Variants in LIN9 observed in about 807,000 individuals in gnomAD.
LIN9 encodes lin-9 DREAM MuvB core complex component.
A neutral mutation model predicts 78.0 loss-of-function variants in LIN9; 18 were observed. That is an observed-to-expected ratio of 0.23 (90% CI 0.16 to 0.34). The LOEUF (loss-of-function observed/expected upper bound fraction) is 0.34. LIN9 is among the 10% of genes least tolerant of loss of function. The pLI is 1.00. For missense variants in LIN9, 451 were observed against 644.1 expected (o/e 0.70, Z 3.25); for synonymous variants, 192 against 215.2 (o/e 0.89, Z 0.94).
At chr1:226,246,505 G>A (rs973592777) in intron 11 of LIN9, among the ~76,000 whole-genome samples, 2 of 151,880 alleles carry the variant, frequency 1.3e-5, no homozygotes, top group African/African-American at 4.8e-5. Context: ...TGCCTAGGTC[G>A]GGCGCGGTGG....
intron 6 of LIN9, among the ~76,000 whole-genome samples, chr1:226,284,474 A>T (rs1310553099): frequency 6.6e-6 from 1 of 152,206 alleles, no homozygotes; most frequent in Non-Finnish European, 1.5e-5. Context: ...CTGTAATCCT[A>T]GCACTTTGGG....
At chr1:226,299,564 A>T (rs904835974) in intron 2 of LIN9, among the ~76,000 whole-genome samples, 6 of 151,946 alleles carry the variant, frequency 3.9e-5, no homozygotes, top group Admixed American at 1.3e-4. Context: ...GGAGAAAAAG[A>T]ATAATGGAAT....
At chr1:226,275,986 C>A (rs1464398052) in intron 7 of LIN9, among the ~76,000 whole-genome samples, 1 of 150,722 alleles carries the variant, frequency 6.6e-6, no homozygotes, top group Admixed American at 6.6e-5. Context: ...CGAGATCACA[C>A]CACTGCACTC....
chr1:226,261,501 G>C (rs1190695838), intron 10 of LIN9, among the ~76,000 whole-genome samples: 3 of 152,010 alleles, frequency 2.0e-5, no homozygotes, highest in Non-Finnish European at 4.4e-5. Context: ...AAACAATTAT[G>C]ATGTGAAATT....
intron 10 of LIN9, among the ~76,000 whole-genome samples, chr1:226,253,972 A>G (rs374438483): frequency 1.3e-5 from 2 of 152,136 alleles, no homozygotes; most frequent in African/African-American, 4.8e-5. Flanking sequence ...GCTTATAGCT[A>G]CCCAGGCTGA....
intron 3 of LIN9, among the ~76,000 whole-genome samples, 167 bp from the exon 4 acceptor site, chr1:226,296,113 G>C (rs1662132671): frequency 6.6e-6 from 1 of 152,132 alleles, no homozygotes; most frequent in South Asian, 2.1e-4. Context: ...AATAATCTCA[G>C]ATTTAGAAAG....
chr1:226,238,151 A>G lies in LIN9; in HGVS notation c.1245+820T>C, dbSNP rs115986616. 7.3e-3 allele frequency among the ~76,000 whole-genome samples: 1,116 copies of G among 152,326 alleles called. 19 individuals are homozygous for G. Among genetic ancestry groups the G allele is most frequent in the African/African-American group, 0.026 (1,065 of 41,570 alleles). ...ATCACATGTGAATGAAAATTCACAA[A>G]CAACCCTGTTATCTATGTATTTGAA... On this transcript the variant is annotated intron_variant, in intron 12 of 14. Coordinates refer to ENST00000681046, the MANE Select transcript of LIN9 (RefSeq NM_001366245.2).
At chr1:226,239,521 C>T (rs1012253635) in intron 11 of LIN9, among the ~76,000 whole-genome samples, 9 of 152,112 alleles carry the variant, frequency 5.9e-5, no homozygotes, top group East Asian at 5.8e-4. Flanking sequence ...GGTTTAAGAG[C>T]GTGGGTATTA....
chr1:226,282,432 T>C (rs897508522), intron 6 of LIN9, among the ~76,000 whole-genome samples: 1 of 152,242 alleles, frequency 6.6e-6, no homozygotes, highest in African/African-American at 2.4e-5. Context: ...TATATAAAAT[T>C]AGTCTCTCAC....
upstream of LIN9, chr1:226,309,734 G>T (rs1663184357): frequency 1.6e-6 from 2 of 1,287,606 alleles, no homozygotes; most frequent in South Asian, 2.5e-5. Context: ...CGGTCCCAGC[G>T]GCCCCTCGCG....
chr1:226,297,977 G>A (rs1031514726), intron 2 of LIN9, among the ~76,000 whole-genome samples, 164 bp from the exon 3 acceptor site: 7 of 152,006 alleles, frequency 4.6e-5, no homozygotes, highest in Non-Finnish European at 4.4e-5. Context: ...AAGCTCTTCC[G>A]TATTTTTCTG....
At chr1:226,256,145 G>A (rs1418062791) in intron 10 of LIN9, among the ~76,000 whole-genome samples, 1 of 152,052 alleles carries the variant, frequency 6.6e-6, no homozygotes, top group African/African-American at 2.4e-5. Context: ...CACTTTGGGA[G>A]GCTAAGGCGG....
chr1:226,266,131 G>A (rs1659889829), intron 9 of LIN9, 82 bp downstream of exon 9: 3 of 911,074 alleles, frequency 3.3e-6, no homozygotes, highest in Non-Finnish European at 4.6e-6. Flanking sequence ...TGAAGTTGCT[G>A]TAATAGATGT....
chr1:226,292,918 A>AAATGGGAAAT (rs1332799603), intron 4 of LIN9, among the ~76,000 whole-genome samples: 1 of 152,190 alleles, frequency 6.6e-6, no homozygotes. Context: ...CTCATCTACA[A>AAATGGGAAAT]AATGGGAAAT....
intron 7 of LIN9, among the ~76,000 whole-genome samples, chr1:226,269,062 A>G (rs1660102592): frequency 6.6e-6 from 1 of 152,220 alleles, no homozygotes; most frequent in African/African-American, 2.4e-5. Flanking sequence ...AATCCAAACA[A>G]ACATCCAGCA....
chr1:226,241,575 T>G (rs903789349), intron 11 of LIN9, among the ~76,000 whole-genome samples: 1 of 152,138 alleles, frequency 6.6e-6, no homozygotes, highest in African/African-American at 2.4e-5. Context: ...TGGGGTGATA[T>G]AGGCCGGGTG....
At chr1:226,307,585 G>T (rs759767725) in intron 1 of LIN9, among the ~76,000 whole-genome samples, 1 of 152,160 alleles carries the variant, frequency 6.6e-6, no homozygotes. Flanking sequence ...GCAATGAGCC[G>T]AGATAGTACC....
chr1:226,303,990 T>C (rs1662735775), intron 1 of LIN9, among the ~76,000 whole-genome samples: 1 of 152,244 alleles, frequency 6.6e-6, no homozygotes, highest in Admixed American at 6.5e-5. Context: ...TGAATCTTGG[T>C]CCTGACACTT....
At chr1:226,240,314 A>C (rs1658025089) in intron 11 of LIN9, among the ~76,000 whole-genome samples, 1 of 151,868 alleles carries the variant, frequency 6.6e-6, no homozygotes, top group African/African-American at 2.4e-5. Flanking sequence ...CCTGGCCTGA[A>C]GCCATCCTCC....
Sources: allele counts gnomAD v4.1 joint callset (sites outside exome capture counted in the v4.1 genomes callset), GRCh38; gene constraint gnomAD v4.1.1; transcripts MANE v1.5; gene names NCBI Gene and HGNC (gene_info 2026-07-23, HGNC 2026-07-21).